GALNT13: variants seen among roughly 807,000 people sequenced by gnomAD.
The protein encoded by GALNT13 is UDP-GalNAc:polypeptide N-acetylgalactosaminyltransferase 13.
Under a neutral mutation model 64.2 loss-of-function variants are expected in GALNT13, and 28 were observed. The observed-to-expected ratio is 0.44, with a 90% CI of 0.32 to 0.60. The LOEUF is 0.60. GALNT13 is among the 20% of genes least tolerant of loss of function. The pLI is 0.05. For missense variants in GALNT13, 577 were observed against 669.8 expected (o/e 0.86, Z 1.53); for synonymous variants, 214 against 224.6 (o/e 0.95, Z 0.42).
the GALNT13 span, among the ~76,000 whole-genome samples, chr2:153,594,743 G>A: frequency 1.3e-5 from 2 of 151,990 alleles, no homozygotes; most frequent in Non-Finnish European, 2.9e-5. Flanking sequence ...GTTTTTCTAA[G>A]TACAAATTGT....
chr2:153,447,312 C>T, the GALNT13 span, among the ~76,000 whole-genome samples: 1 of 152,138 alleles, frequency 6.6e-6, no homozygotes, highest in Non-Finnish European at 1.5e-5. Context: ...GCTAAGCTCT[C>T]ATAGCTCTGG....
chr2:153,165,988 T>A, the GALNT13 span, among the ~76,000 whole-genome samples: 1 of 152,186 alleles, frequency 6.6e-6, no homozygotes, highest in Admixed American at 6.5e-5. Context: ...TAGATTAATT[T>A]TACCGACACA....
chr2:154,102,704 CA>C (rs1162168930), intron 3 of GALNT13, among the ~76,000 whole-genome samples: 3 of 151,100 alleles, frequency 2.0e-5, no homozygotes, highest in Non-Finnish European at 4.4e-5. Context: ...ATTGATTTAA[CA>C]AAAAAAAATC....
chr2:153,278,763 C>T, the GALNT13 span, among the ~76,000 whole-genome samples: 1 of 151,880 alleles, frequency 6.6e-6, no homozygotes, highest in African/African-American at 2.4e-5. Context: ...CTGCAGCTTC[C>T]GTCACAGTTT....
chr2:154,034,755 G>GTACAC (rs1698555221), intron 3 of GALNT13, among the ~76,000 whole-genome samples: 1 of 135,236 alleles, frequency 7.4e-6, no homozygotes, highest in African/African-American at 3.4e-5. Context: ...CATCTGTGTT[G>GTACAC]ATACAAAAGA....
At chr2:153,145,394 A>T in the GALNT13 span, among the ~76,000 whole-genome samples, 1 of 152,030 alleles carries the variant, frequency 6.6e-6, no homozygotes, top group African/African-American at 2.4e-5. Context: ...GTACATTTTA[A>T]TCACATTAAC....
the GALNT13 span, among the ~76,000 whole-genome samples, chr2:153,083,870 G>A: frequency 5.9e-5 from 9 of 152,146 alleles, no homozygotes; most frequent in Admixed American, 5.2e-4. Context: ...ATGTTTTCAG[G>A]TCTTAGATTT....
chr2:153,316,984 A>C, the GALNT13 span, among the ~76,000 whole-genome samples: 2 of 152,216 alleles, frequency 1.3e-5, no homozygotes, highest in African/African-American at 2.4e-5. Flanking sequence ...ATCACTATAA[A>C]TAATAAAAAG....
chr2:154,217,674 G>A (rs866513005), intron 4 of GALNT13, among the ~76,000 whole-genome samples: 7 of 152,246 alleles, frequency 4.6e-5, no homozygotes, highest in African/African-American at 7.2e-5. Context: ...CCAGTGACAT[G>A]AGAATTATGC....
At chr2:154,003,709 G>A (rs962889309) in intron 3 of GALNT13, among the ~76,000 whole-genome samples, 2 of 152,088 alleles carry the variant, frequency 1.3e-5, no homozygotes, top group Non-Finnish European at 2.9e-5. Flanking sequence ...TTGGATCATA[G>A]GGGAGGTTTC....
intron 10 of GALNT13, among the ~76,000 whole-genome samples, chr2:154,399,679 G>A (rs764577576): frequency 7.2e-5 from 11 of 152,064 alleles, no homozygotes; most frequent in Admixed American, 1.3e-4. Flanking sequence ...CCACTACAAT[G>A]GGGATTAGAT....
the GALNT13 span, among the ~76,000 whole-genome samples, chr2:153,784,485 C>T: frequency 3.3e-5 from 5 of 152,240 alleles, no homozygotes; most frequent in African/African-American, 1.2e-4. Flanking sequence ...AAAAGAAAAA[C>T]CCATTCTGGG....
intron 4 of GALNT13, among the ~76,000 whole-genome samples, chr2:154,196,978 A>C (rs1364515087): frequency 1.3e-5 from 2 of 152,238 alleles, no homozygotes; most frequent in African/African-American, 2.4e-5. Context: ...TCTGATTGCT[A>C]TCTCATTCCC....
chr2:153,274,935 G>T, the GALNT13 span, among the ~76,000 whole-genome samples: 1 of 152,172 alleles, frequency 6.6e-6, no homozygotes, highest in Non-Finnish European at 1.5e-5. Flanking sequence ...ACTGTGGTCA[G>T]TTAGGCTTAG....
At position 154,419,636 on chromosome 2, in the gene GALNT13, G is replaced by A. The variant is rs532073297; in HGVS notation, c.1395+10554G>A. 5.5e-4 allele frequency among the ~76,000 whole-genome samples: 83 copies of A among 152,224 alleles called. 1 individual carries two copies. Among genetic ancestry groups the A allele is most frequent in the African/African-American group, 1.9e-3 (79 of 41,548 alleles). The stretch of plus-strand genomic sequence containing the variant: ...CTTTGGCTCTATGCTTTCTAGCTAT[G>A]AGCACAAAGTTGGTTATATGATTCC... On this transcript the variant is annotated intron_variant, in intron 11 of 12. Transcript: ENST00000392825.
the GALNT13 span, among the ~76,000 whole-genome samples, chr2:153,621,561 G>A: frequency 6.6e-6 from 1 of 152,118 alleles, no homozygotes; most frequent in African/African-American, 2.4e-5. Flanking sequence ...GGCCCTGGAT[G>A]GGCCCAGAGG....
At chr2:153,441,650 A>C in the GALNT13 span, among the ~76,000 whole-genome samples, 393 of 152,306 alleles carry the variant, frequency 2.6e-3, 4 homozygotes, top group East Asian at 0.027. Flanking sequence ...GTTCTCCTTG[A>C]AGAGGTCCTT....
chr2:154,295,572 C>T (rs980055619), intron 8 of GALNT13, among the ~76,000 whole-genome samples: 1 of 151,818 alleles, frequency 6.6e-6, no homozygotes, highest in African/African-American at 2.4e-5. Context: ...GAGGTTTTAC[C>T]ATGTTGGCTA....
At chr2:154,071,823 T>G (rs1009677874) in intron 3 of GALNT13, among the ~76,000 whole-genome samples, 1 of 152,092 alleles carries the variant, frequency 6.6e-6, no homozygotes, top group Non-Finnish European at 1.5e-5. Flanking sequence ...ATCCTTTTAC[T>G]TGGTGATTTT....
Sources: gnomAD v4.1 joint callset for allele counts (sites outside exome capture counted in the v4.1 genomes callset) on GRCh38, gnomAD v4.1.1 for gene constraint, MANE v1.5 for transcripts, NCBI Gene and HGNC (gene_info 2026-07-23, HGNC 2026-07-21) for gene names.